PREX2: variants seen among roughly 807,000 people sequenced by gnomAD.
PREX2 encodes phosphatidylinositol 3,4,5-trisphosphate-dependent Rac exchanger 2 protein.
In PREX2, 107 loss-of-function variants were observed where a neutral mutation model predicts 203.2. The ratio of observed to expected loss-of-function variants is 0.53; its 90% CI spans 0.45 to 0.62. The LOEUF is 0.62. PREX2 is among the 20% of genes least tolerant of loss of function. The pLI is 0.00. For missense variants in PREX2, 1,777 were observed against 1,955.9 expected (o/e 0.91, Z 1.72); for synonymous variants, 672 against 663.6 (o/e 1.01, Z -0.19).
At chr8:68,175,911 A>G (rs13262378) in intron 35 of PREX2, among the ~76,000 whole-genome samples, 8,506 of 152,130 alleles carry the variant, frequency 0.056, 323 homozygotes, top group Middle Eastern at 0.092. Flanking sequence ...AGAGCTTAGT[A>G]TATTTTCTTT....
At chr8:68,194,264 T>A (rs1424858707) in intron 37 of PREX2, among the ~76,000 whole-genome samples, 1 of 152,180 alleles carries the variant, frequency 6.6e-6, no homozygotes, top group African/African-American at 2.4e-5. Context: ...GTCCCTACTT[T>A]CATATAGTAC....
At chr8:68,156,117 G>A (rs900180407) in intron 34 of PREX2, among the ~76,000 whole-genome samples, 10 of 152,154 alleles carry the variant, frequency 6.6e-5, no homozygotes, top group African/African-American at 2.2e-4. Flanking sequence ...CTGGAGTCCA[G>A]TGGCACGATC....
At chr8:68,183,894 CTTGT>C (rs1056973125) in intron 35 of PREX2, among the ~76,000 whole-genome samples, 4 of 151,954 alleles carry the variant, frequency 2.6e-5, no homozygotes, top group African/African-American at 7.3e-5. Context: ...ATTGTCTTGT[CTTGT>C]TAATATTCTA....
At chr8:68,093,339 G>A (rs1809943335) in intron 20 of PREX2, among the ~76,000 whole-genome samples, 2 of 142,176 alleles carry the variant, frequency 1.4e-5, no homozygotes, top group African/African-American at 5.3e-5. Context: ...TTGGTGAGTC[G>A]AGACTGCACC....
chr8:68,068,452 C>T (rs1809084545), intron 11 of PREX2, among the ~76,000 whole-genome samples: 3 of 151,980 alleles, frequency 2.0e-5, no homozygotes, highest in African/African-American at 7.2e-5. Context: ...AGAACAGTTA[C>T]AATTTTGGCA....
intron 34 of PREX2, among the ~76,000 whole-genome samples, chr8:68,148,119 C>T (rs941323160): frequency 6.6e-6 from 1 of 151,942 alleles, no homozygotes; most frequent in African/African-American, 2.4e-5. Context: ...TGTTGGTATG[C>T]GCCTGTAATC....
intron 1 of PREX2, among the ~76,000 whole-genome samples, chr8:68,014,408 C>A (rs1379193539): frequency 2.0e-5 from 3 of 151,990 alleles, no homozygotes; most frequent in Non-Finnish European, 4.4e-5. Context: ...GAGTGGAGCA[C>A]ATGTTCACAC....
chr8:68,061,662 A>G (rs994890528), intron 11 of PREX2, among the ~76,000 whole-genome samples: 23 of 152,314 alleles, frequency 1.5e-4, no homozygotes, highest in Non-Finnish European at 2.2e-4. Flanking sequence ...TCTTCTCTGA[A>G]TGACTGAGAT....
At chr8:68,078,790 TTAAAG>T (rs1455170812) in intron 15 of PREX2, among the ~76,000 whole-genome samples, 2 of 128,708 alleles carry the variant, frequency 1.6e-5, no homozygotes, top group Non-Finnish European at 3.4e-5. Context: ...TTTTTTTTCT[TTAAAG>T]TAAAGCACCA....
rs1810094959 is a variant in PREX2 at position 68,096,896 on chromosome 8, AC to A, written c.2369-120del. On this transcript the variant is annotated intron_variant, in intron 21 of 39. Coordinates refer to ENST00000288368, the MANE Select transcript of PREX2 (RefSeq NM_024870.4). ...AACAAGAATAGATGCTTCATTTAAC[AC>A]ATCAGATTTAACCATCCCTTAAAGA... 4.0e-6 allele frequency: 3 copies of A among 752,910 alleles called. No homozygotes were observed. The Admixed American group carries it at 7.7e-5, about 19-fold the overall frequency. The allele number at this position is 752,910 out of a possible 1,614,324, so 46.6% of individuals were successfully genotyped here.
At chr8:67,975,267 G>T (rs12675618) in intron 1 of PREX2, among the ~76,000 whole-genome samples, 3 of 139,874 alleles carry the variant, frequency 2.1e-5, no homozygotes, top group African/African-American at 2.7e-5. Context: ...ACCTGCACAC[G>T]GCCTGTTTTT....
intron 1 of PREX2, among the ~76,000 whole-genome samples, chr8:68,003,802 G>A (rs1807012566): frequency 6.8e-6 from 1 of 147,738 alleles, no homozygotes; most frequent in South Asian, 2.1e-4. Flanking sequence ...GACTAATTTG[G>A]TTCCTATATC....
chr8:68,133,072 AG>A (rs1408524821), intron 31 of PREX2, among the ~76,000 whole-genome samples: 1 of 152,214 alleles, frequency 6.6e-6, no homozygotes, highest in Non-Finnish European at 1.5e-5. Context: ...ATAGCCAGGA[AG>A]GCCTCAGAAA....
intron 14 of PREX2, among the ~76,000 whole-genome samples, chr8:68,076,349 C>T (rs761567430): frequency 6.6e-6 from 1 of 151,958 alleles, no homozygotes; most frequent in Admixed American, 6.6e-5. Flanking sequence ...CTCAGCTACT[C>T]GGGAGGCTGA....
intron 15 of PREX2, among the ~76,000 whole-genome samples, chr8:68,078,853 C>T (rs1268466892): frequency 6.6e-6 from 1 of 152,098 alleles, no homozygotes; most frequent in Non-Finnish European, 1.5e-5. Context: ...TGAGTTACAT[C>T]AAAAGTTTTT....
chr8:68,199,681 A>G (rs1812465517), intron 37 of PREX2, among the ~76,000 whole-genome samples: 2 of 152,352 alleles, frequency 1.3e-5, no homozygotes, highest in African/African-American at 4.8e-5. Context: ...CATATAAGCA[A>G]TGTAAAAAAT....
intron 1 of PREX2, among the ~76,000 whole-genome samples, chr8:67,956,718 T>C (rs1805502144): frequency 6.6e-6 from 1 of 152,182 alleles, no homozygotes; most frequent in Admixed American, 6.5e-5. Flanking sequence ...GGAGTGCTAT[T>C]AATAATGACA....
At chr8:67,990,584 A>G (rs540740039) in intron 1 of PREX2, among the ~76,000 whole-genome samples, 1 of 150,952 alleles carries the variant, frequency 6.6e-6, no homozygotes, top group South Asian at 2.1e-4. Context: ...ATCTCAGCTC[A>G]CTGCAACCTC....
intron 13 of PREX2, among the ~76,000 whole-genome samples, chr8:68,070,887 C>T (rs1809174286): frequency 6.6e-6 from 1 of 152,086 alleles, no homozygotes; most frequent in Non-Finnish European, 1.5e-5. Flanking sequence ...CCTGAAAGTG[C>T]CCTATTTACT....
Sources: gnomAD v4.1 joint callset for allele counts (sites outside exome capture counted in the v4.1 genomes callset) on GRCh38, gnomAD v4.1.1 for gene constraint, MANE v1.5 for transcripts, NCBI Gene and HGNC (gene_info 2026-07-23, HGNC 2026-07-21) for gene names.